The following USH2A variants were observed in gnomAD, a reference collection of about 807,000 sequenced individuals.
USH2A encodes usherin.
Under a neutral mutation model 538.9 loss-of-function variants are expected in USH2A, and 443 were observed. That is an observed-to-expected ratio of 0.82 (90% CI 0.76 to 0.89). USH2A has a LOEUF of 0.89. USH2A is among the 40% of genes least tolerant of loss of function. The pLI, the probability that USH2A is intolerant of heterozygous loss-of-function variation, is 0.00. For missense variants in USH2A, 6,633 were observed against 6,324.8 expected (o/e 1.05, Z -1.65); for synonymous variants, 2,413 against 2,273.5 (o/e 1.06, Z -1.75).
chr1:216,082,279 G>A (rs12088475), intron 26 of USH2A, among the ~76,000 whole-genome samples: 2 of 151,968 alleles, frequency 1.3e-5, no homozygotes, highest in African/African-American at 4.8e-5. Context: ...ACGTTTCAGC[G>A]AAGATTCATA....
At chr1:216,380,150 AG>A (rs750681606) in intron 3 of USH2A, among the ~76,000 whole-genome samples, 1 of 152,198 alleles carries the variant, frequency 6.6e-6, no homozygotes, top group Non-Finnish European at 1.5e-5. Flanking sequence ...GTAAATTGAT[AG>A]GTACCGCAAA....
At chr1:216,321,472 C>A (rs1339962) in intron 9 of USH2A, among the ~76,000 whole-genome samples, 59,785 of 151,958 alleles carry the variant, frequency 0.39, 13,129 homozygotes, top group African/African-American at 0.6. Context: ...AATACATAAA[C>A]ATTGTTCTTC....
chr1:215,922,352 T>C (rs1666121621), intron 38 of USH2A, among the ~76,000 whole-genome samples: 1 of 152,066 alleles, frequency 6.6e-6, no homozygotes, highest in Non-Finnish European at 1.5e-5. Flanking sequence ...TTGGTTATCT[T>C]TGGTATCTGT....
intron 38 of USH2A, among the ~76,000 whole-genome samples, chr1:215,934,350 G>A (rs1666437914): frequency 6.6e-6 from 1 of 151,922 alleles, no homozygotes; most frequent in Admixed American, 6.6e-5. Context: ...ATATATATGT[G>A]TGTGTGTGTA....
At chr1:215,738,371 T>C (rs1265457401) in intron 60 of USH2A, among the ~76,000 whole-genome samples, 1 of 152,150 alleles carries the variant, frequency 6.6e-6, no homozygotes, top group Non-Finnish European at 1.5e-5. Flanking sequence ...AAATCTTTTT[T>C]TGTGACTTAT....
intron 52 of USH2A, among the ~76,000 whole-genome samples, 196 bp from the exon 53 acceptor site, chr1:215,783,131 A>T (rs1477470195): frequency 6.6e-6 from 1 of 152,152 alleles, no homozygotes; most frequent in Non-Finnish European, 1.5e-5. Flanking sequence ...AGATGCAGGG[A>T]TACGGAATTG....
intron 32 of USH2A, among the ~76,000 whole-genome samples, chr1:216,026,908 G>A (rs1668980297): frequency 6.6e-6 from 1 of 152,166 alleles, no homozygotes; most frequent in African/African-American, 2.4e-5. Context: ...AAAGATGAAT[G>A]AAGAAGTGAA....
chr1:215,878,738 T>TA lies in USH2A; in HGVS notation c.8558+25dup, dbSNP rs769813643. On this transcript the variant is annotated intron_variant, in intron 42 of 71. Transcript: ENST00000307340. ...CAGAGAGATAAGGACTACAGCAACA[T>TA]AAAAATCATAGTCACCTTCTCTTAC... 10 of 1,609,954 alleles carry TA rather than the reference T, an allele frequency of 6.2e-6. No individual in the cohort carries two copies. The African/African-American group carries it at 1.3e-4, about 21-fold the overall frequency.
chr1:216,069,897 A>G (rs2031499811), intron 30 of USH2A, among the ~76,000 whole-genome samples: 2 of 152,328 alleles, frequency 1.3e-5, no homozygotes. Flanking sequence ...ATTATCCATG[A>G]GAGCCCATGC....
At chr1:215,742,478 C>T (rs913383776) in intron 59 of USH2A, among the ~76,000 whole-genome samples, 5 of 148,730 alleles carry the variant, frequency 3.4e-5, no homozygotes, top group African/African-American at 1.2e-4. Flanking sequence ...ATATGATATA[C>T]ACATATATAA....
intron 40 of USH2A, among the ~76,000 whole-genome samples, chr1:215,893,447 C>T (rs538710253): frequency 3.9e-5 from 6 of 151,934 alleles, no homozygotes; most frequent in Non-Finnish European, 8.8e-5. Flanking sequence ...CAAATATTGA[C>T]AATTTAACTT....
chr1:216,322,263 G>A (rs2037629559), intron 8 of USH2A, among the ~76,000 whole-genome samples: 1 of 152,032 alleles, frequency 6.6e-6, no homozygotes, highest in African/African-American at 2.4e-5. Context: ...TACCAACCAC[G>A]TACCAAGGGA....
At chr1:216,057,136 C>CG (rs1185184918) in intron 30 of USH2A, among the ~76,000 whole-genome samples, 5 of 149,978 alleles carry the variant, frequency 3.3e-5, no homozygotes, top group African/African-American at 1.2e-4. Context: ...AAATGAAAAA[C>CG]TTTTTTTTTT....
intron 20 of USH2A, among the ~76,000 whole-genome samples, chr1:216,184,172 A>C (rs2034548068): frequency 6.6e-6 from 1 of 152,044 alleles, no homozygotes; most frequent in African/African-American, 2.4e-5. Context: ...CTTAATTGTA[A>C]AATGGTGCCT....
At chr1:216,044,267 C>T (rs559507514) in intron 32 of USH2A, among the ~76,000 whole-genome samples, 7 of 152,182 alleles carry the variant, frequency 4.6e-5, no homozygotes, top group African/African-American at 1.7e-4. Flanking sequence ...GAGGACATGT[C>T]TATTCTGGTT....
chr1:216,243,221 G>A (rs1467383034), intron 13 of USH2A, among the ~76,000 whole-genome samples: 1 of 152,092 alleles, frequency 6.6e-6, no homozygotes, highest in Non-Finnish European at 1.5e-5. Flanking sequence ...ATCCCAAGAA[G>A]GGATTTTGTG....
intron 21 of USH2A, among the ~76,000 whole-genome samples, chr1:216,167,974 C>G (rs2034203687): frequency 6.6e-6 from 1 of 152,116 alleles, no homozygotes; most frequent in Non-Finnish European, 1.5e-5. Flanking sequence ...CCAGATTCCT[C>G]TCTATCTGAA....
At chr1:215,778,366 A>T (rs1400238638) in intron 55 of USH2A, among the ~76,000 whole-genome samples, 2 of 152,150 alleles carry the variant, frequency 1.3e-5, no homozygotes. Flanking sequence ...CACTATCATC[A>T]TTGATTTAGC....
chr1:216,326,977 A>G (rs1403564243), intron 5 of USH2A, among the ~76,000 whole-genome samples: 1 of 152,162 alleles, frequency 6.6e-6, no homozygotes, highest in East Asian at 1.9e-4. Flanking sequence ...ATTTTTTAAA[A>G]TTCTGTGTGC....
Sources: allele counts gnomAD v4.1 joint callset (sites outside exome capture counted in the v4.1 genomes callset), GRCh38; gene constraint gnomAD v4.1.1; transcripts MANE v1.5; gene names NCBI Gene and HGNC (gene_info 2026-07-23, HGNC 2026-07-21).